The following NMNAT2 variants were observed in gnomAD, a reference collection of about 807,000 sequenced individuals.
NMNAT2 encodes the protein nicotinamide nucleotide adenylyltransferase 2.
NMNAT2 carries 11 observed loss-of-function variants against 41.6 expected under a neutral mutation model. That is an observed-to-expected ratio of 0.26 (90% CI 0.17 to 0.44). NMNAT2 has a LOEUF of 0.44. Ranked by LOEUF, NMNAT2 falls within the 20% of genes least tolerant of loss-of-function variation. NMNAT2 has a pLI of 1.00. For synonymous variants in NMNAT2, 148 were observed against 151.2 expected, an observed-to-expected ratio of 0.98 and a Z score of 0.16; for missense variants, 288 against 407.7, an observed-to-expected ratio of 0.71 and a Z score of 2.53.
At chr1:183,407,048 A>C (rs534822203) in intron 1 of NMNAT2, among the ~76,000 whole-genome samples, 1 of 151,806 alleles carries the variant, frequency 6.6e-6, no homozygotes, top group African/African-American at 2.4e-5. Context: ...CGAACTCCTG[A>C]CCTCGTGATC....
chr1:183,308,700 T>C (rs1200843784), intron 1 of NMNAT2, among the ~76,000 whole-genome samples: 1 of 152,076 alleles, frequency 6.6e-6, no homozygotes, highest in African/African-American at 2.4e-5. Context: ...CACAGAACAA[T>C]ACCAAATAAA....
chr1:183,319,054 G>A (rs1047608473), intron 1 of NMNAT2, among the ~76,000 whole-genome samples: 2 of 152,178 alleles, frequency 1.3e-5, no homozygotes, highest in African/African-American at 2.4e-5. Flanking sequence ...GGACACAGGC[G>A]TGTGCATGCC....
rs558786334 is a variant in NMNAT2 at position 183,376,824 on chromosome 1, A to G, written c.85+41359T>C. Among the ~76,000 whole-genome samples the G allele has an allele frequency of 4.6e-5, 7 of 152,328 alleles. No homozygotes were observed. The South Asian group carries it at 1.4e-3, about 32-fold the overall frequency. On this transcript the variant is annotated intron_variant, in intron 1 of 10. Transcript: ENST00000287713. ...TCCAGCAACCCCTTCATGCAGAGGT[A>G]GAGTGCCCATCTCCTTGGGCCTGAG... is the stretch of plus-strand genomic sequence containing the variant.
At chr1:183,312,569 TAA>T (rs5779167) in intron 1 of NMNAT2, among the ~76,000 whole-genome samples, 50 of 149,058 alleles carry the variant, frequency 3.4e-4, no homozygotes, top group Non-Finnish European at 3.3e-4. Context: ...TTACAGTTCC[TAA>T]AAAAAAAAAA....
At chr1:183,371,769 T>C (rs1300071378) in intron 1 of NMNAT2, among the ~76,000 whole-genome samples, 2 of 152,130 alleles carry the variant, frequency 1.3e-5, no homozygotes, top group African/African-American at 4.8e-5. Flanking sequence ...TTTTTGTTTC[T>C]GTTTGTTTGT....
At chr1:183,333,910 C>T (rs1662633009) in intron 1 of NMNAT2, among the ~76,000 whole-genome samples, 6 of 152,146 alleles carry the variant, frequency 3.9e-5, no homozygotes, top group East Asian at 1.9e-4. Flanking sequence ...CAACTATCTC[C>T]GGGATCCACC....
At chr1:183,347,733 A>G (rs1036362279) in intron 1 of NMNAT2, among the ~76,000 whole-genome samples, 1 of 152,206 alleles carries the variant, frequency 6.6e-6, no homozygotes, top group Admixed American at 6.5e-5. Flanking sequence ...GCTGTGCAGC[A>G]TATAGCAGGG....
rs1444574788 is a variant in NMNAT2, at chr1:183,389,820, G to T, written c.85+28363C>A. ...AGAAAGAAAGAAAGAAAGAAAGAAAGAAAGAAAGAAAGAAAGAAAGAAAGG... is the reference window on the plus strand; with the variant it reads ...AGAAAGAAAGAAAGAAAGAAAGAAATAAAGAAAGAAAGAAAGAAAGAAAGG... On this transcript the variant is annotated intron_variant, in intron 1 of 10. Coordinates refer to ENST00000287713, the MANE Select transcript of NMNAT2 (RefSeq NM_015039.4). 4.7e-4 allele frequency among the ~76,000 whole-genome samples: 26 copies of T among 55,284 alleles called. 4 individuals carry two copies. Among genetic ancestry groups the T allele is most frequent in the Admixed American group, 7.6e-4 (3 of 3,956 alleles). The allele number at this position is 55,284 out of a possible 152,430, so 36.3% of individuals were successfully genotyped here. A position where few individuals can be genotyped will look rare whatever the true frequency, so the allele number is the denominator to read the frequency against.
Position 183,373,687 on chromosome 1 carries a change from G to T in NMNAT2, c.85+44496C>A, listed in dbSNP as rs912710921. Among the ~76,000 whole-genome samples the T allele has an allele frequency of 5.3e-5, 8 of 150,702 alleles. No homozygotes were observed. The East Asian group carries it at 1.6e-3, about 29-fold the overall frequency. ...GGCTGGAGTGCAGTGGTGCCATCTC[G>T]GCTCACTGCAACCTCCGCCTCCTGG... On this transcript the variant is annotated intron_variant, in intron 1 of 10. Transcript: ENST00000287713.
chr1:183,290,842 G>C (rs1184530229), intron 3 of NMNAT2: 1 of 152,204 alleles, frequency 6.6e-6, no homozygotes, highest in African/African-American at 2.4e-5. Flanking sequence ...ACAATGGCCA[G>C]CCCCTCCGGG....
At chr1:183,415,256 T>C (rs544627982) in intron 1 of NMNAT2, among the ~76,000 whole-genome samples, 8 of 152,360 alleles carry the variant, frequency 5.3e-5, no homozygotes, top group Admixed American at 3.9e-4. Flanking sequence ...GTGCTGGGAT[T>C]GTAGGAGTGA....
At chr1:183,269,124 T>C (rs970885304) in intron 8 of NMNAT2, among the ~76,000 whole-genome samples, 2 of 152,126 alleles carry the variant, frequency 1.3e-5, no homozygotes, top group African/African-American at 4.8e-5. Flanking sequence ...ACAATATTGA[T>C]TATAAAACAA....
chr1:183,366,753 A>G (rs1571621976), intron 1 of NMNAT2, among the ~76,000 whole-genome samples: 2 of 152,300 alleles, frequency 1.3e-5, no homozygotes, highest in South Asian at 2.1e-4. Context: ...TTATGCTAAG[A>G]TGAGCAATCT....
intron 1 of NMNAT2, among the ~76,000 whole-genome samples, chr1:183,370,375 T>C (rs1032342881): frequency 5.3e-5 from 8 of 152,168 alleles, no homozygotes; most frequent in African/African-American, 1.9e-4. Flanking sequence ...TGAGTTTCCA[T>C]TTCTGCTTCA....
chr1:183,304,668 A>G, intron 1 of NMNAT2: 2 of 1,613,460 alleles, frequency 1.2e-6, no homozygotes, highest in African/African-American at 2.7e-5. Context: ...GTCTGAACTC[A>G]CCTGAGAGAG....
chr1:183,396,651 A>G (rs956736920), intron 1 of NMNAT2, among the ~76,000 whole-genome samples: 1 of 152,168 alleles, frequency 6.6e-6, no homozygotes, highest in Non-Finnish European at 1.5e-5. Context: ...GAAGGAATGC[A>G]AGACCCTGGG....
intron 1 of NMNAT2, among the ~76,000 whole-genome samples, chr1:183,309,861 C>T (rs1662069576): frequency 6.6e-6 from 1 of 152,200 alleles, no homozygotes; most frequent in Non-Finnish European, 1.5e-5. Context: ...ACTTCTCTCG[C>T]TCATTTTGGT....
intron 1 of NMNAT2, among the ~76,000 whole-genome samples, chr1:183,310,838 C>T (rs1020183230): frequency 6.9e-6 from 1 of 144,700 alleles, no homozygotes; most frequent in African/African-American, 2.6e-5. Context: ...AATTATGGCC[C>T]CAAGGGAAGG....
At chr1:183,331,797 T>G (rs1662592266) in intron 1 of NMNAT2, among the ~76,000 whole-genome samples, 1 of 152,218 alleles carries the variant, frequency 6.6e-6, no homozygotes, top group African/African-American at 2.4e-5. Flanking sequence ...TTTCATTTAT[T>G]TATTTTTTGA....
Sources: gnomAD v4.1 joint callset for allele counts (sites outside exome capture counted in the v4.1 genomes callset) on GRCh38, gnomAD v4.1.1 for gene constraint, MANE v1.5 for transcripts, NCBI Gene and HGNC (gene_info 2026-07-23, HGNC 2026-07-21) for gene names.